CYFIP1: variants seen among roughly 807,000 people sequenced by gnomAD.
CYFIP1 encodes cytoplasmic FMR1-interacting protein 1.
Under a neutral mutation model 163.5 loss-of-function variants are expected in CYFIP1, and 58 were observed. That is an observed-to-expected ratio of 0.35 (90% CI 0.29 to 0.44). The LOEUF (loss-of-function observed/expected upper bound fraction) is 0.44, where lower values mean the gene tolerates loss of function less well. CYFIP1 is among the 20% of genes least tolerant of loss of function. The pLI is 1.00. For synonymous variants in CYFIP1, 663 were observed against 660.7 expected (o/e 1.00, Z -0.05); for missense variants, 1,338 against 1,653.8 (o/e 0.81, Z 3.31).
At chr15:22,968,379 A>C (rs184823424) in intron 1 of CYFIP1, among the ~76,000 whole-genome samples, 1 of 152,284 alleles carries the variant, frequency 6.6e-6, no homozygotes, top group Admixed American at 6.5e-5. Flanking sequence ...CAACCAGTGC[A>C]GGCCTTGAAA....
intron 1 of CYFIP1, among the ~76,000 whole-genome samples, chr15:22,976,640 T>C (rs2063293037): frequency 7.3e-6 from 1 of 136,136 alleles, no homozygotes; most frequent in African/African-American, 2.5e-5. Context: ...TTATTCAGTA[T>C]ATAATTATTC....
At chr15:22,938,294 A>C (rs1309139631) in intron 8 of CYFIP1, among the ~76,000 whole-genome samples, 25 of 152,238 alleles carry the variant, frequency 1.6e-4, no homozygotes, top group Admixed American at 1.6e-3. Flanking sequence ...TGACAAGTAG[A>C]ATCTTGGATA....
At chr15:22,935,362 G>A (rs2061679385) in intron 9 of CYFIP1, among the ~76,000 whole-genome samples, 1 of 152,326 alleles carries the variant, frequency 6.6e-6, no homozygotes, top group South Asian at 2.1e-4. Flanking sequence ...CAACTGGGAA[G>A]CCATACTGGG....
At chr15:22,943,402 C>G (rs769869914) in intron 5 of CYFIP1, 48 bp from the exon 6 acceptor site, 3 of 1,581,740 alleles carry the variant, frequency 1.9e-6, no homozygotes, top group Admixed American at 1.7e-5. Flanking sequence ...CAGTGAGGAG[C>G]CAAGCCCATG....
At chr15:22,968,148 A>C (rs2062973965) in intron 1 of CYFIP1, among the ~76,000 whole-genome samples, 1 of 152,140 alleles carries the variant, frequency 6.6e-6, no homozygotes, top group African/African-American at 2.4e-5. Context: ...AAAATAAATA[A>C]ATAAATAAAA....
At position 22,919,283 on chromosome 15, in the gene CYFIP1, G is replaced by T. The variant is rs116919839; in HGVS notation, c.1360-425C>A. On this transcript the variant is annotated intron_variant, in intron 13 of 30. Coordinates refer to ENST00000617928, the MANE Select transcript of CYFIP1 (RefSeq NM_014608.6). ...TACCATTCACAGAAAAAGCCTGGAA[G>T]ACTCTGATGGAACATAATTACATGA... 3.0e-4 allele frequency among the ~76,000 whole-genome samples: 45 copies of T among 152,334 alleles called. 1 individual carries two copies. In the East Asian group the frequency reaches 8.5e-3, roughly 29 times the overall value.
rs554451195 is a variant in CYFIP1, at chr15:22,898,400, G to A, written c.2588+5306C>T. Among the ~76,000 whole-genome samples the A allele has an allele frequency of 3.2e-4, 48 of 152,192 alleles. 2 individuals are homozygous for A. The South Asian group carries it at 9.3e-3, about 30-fold the overall frequency. ...GGCCTCCTGAGTAGCTGGGACTACA[G>A]ATGTGTGCCACCATGCTCGGCTAAT... On this transcript the variant is annotated intron_variant, in intron 22 of 30. Transcript: ENST00000617928.
chr15:22,927,793 G>A, intron 12 of CYFIP1, 113 bp downstream of exon 12: 1 of 1,060,288 alleles, frequency 9.4e-7, no homozygotes, highest in Non-Finnish European at 1.3e-6. Flanking sequence ...TCTACTGATA[G>A]ATATTCTCGT....
Position 22,872,851 on chromosome 15 carries a change from C to T in CYFIP1, c.3571G>A (p.Gly1191Ser). 5.0e-6 allele frequency: 8 copies of T among 1,614,074 alleles called. No individual in the cohort carries two copies. The highest frequency in any genetic ancestry group is 5.9e-6 in the Non-Finnish European group (7 of 1,179,978). Residue 1191 changes from glycine to serine, a missense_variant, in exon 30 of 31, where the codon GGC becomes AGC. Gly to Ser is a moderately conservative substitution (Grantham distance 56). Around this residue, in one of 4 missense-constraint regions of CYFIP1, gnomAD observed 306 missense variants for 322.1 expected, o/e 0.95. Transcript: ENST00000617928. ...YHLLKVQKHDGKDEIIKNVPL... is the reference protein window; with the variant it reads ...YHLLKVQKHDSKDEIIKNVPL... ...ACATTTTTAATAATCTCATCTTTGC[C>T]ATCATGTTTCTGGACTTTAAGTAGA...
chr15:22,882,822 A>G (rs1316710922), intron 24 of CYFIP1, 46 bp downstream of exon 24: 8 of 1,587,718 alleles, frequency 5.0e-6, no homozygotes, highest in Non-Finnish European at 6.9e-6. Flanking sequence ...TGGGTGCCCC[A>G]GGGAATCCAG....
At chr15:22,922,029 AC>A (rs528506825) in intron 13 of CYFIP1, among the ~76,000 whole-genome samples, 15 of 152,198 alleles carry the variant, frequency 9.9e-5, no homozygotes, top group African/African-American at 3.1e-4. Flanking sequence ...ATCAAGGTGG[AC>A]CCTTGTGCAG....
rs2061079593 is a variant in CYFIP1 at position 22,918,683 on chromosome 15, A to G, written c.1526+9T>C. ...GGCACAGCGGGCACAGGGCGTGGGG[A>G]AGGCTGACCTCTGGATGACGTTCTT... On this transcript the variant is annotated intron_variant, in intron 14 of 30. Coordinates refer to ENST00000617928, the MANE Select transcript of CYFIP1 (RefSeq NM_014608.6). 6.3e-7 allele frequency: 1 copy of G among 1,582,978 alleles called. No individual in the cohort carries two copies. Among genetic ancestry groups the G allele is most frequent in the South Asian group, 1.2e-5 (1 of 86,344 alleles).
chr15:22,880,160 G>T, intron 25 of CYFIP1, 117 bp from the exon 26 acceptor site: 1 of 1,395,104 alleles, frequency 7.2e-7, no homozygotes, highest in Non-Finnish European at 1.0e-6. Flanking sequence ...CTGGCTATAA[G>T]GACAGCCACA....
chr15:22,917,425 C>T lies in CYFIP1; in HGVS notation c.1674+363G>A, dbSNP rs987683957. ...AGCAGCACCTCACAGTTTCCCACGC[C>T]CCATCTACAGTCATTTGCAGACCCA... On this transcript the variant is annotated intron_variant, in intron 15 of 30. Transcript: ENST00000617928. This position sits in a 1 kb window ranked among gnomAD's most constrained non-coding sequence, Gnocchi z 4.2. The T allele has an allele frequency of 4.8e-6, 3 of 622,016 alleles. No homozygotes were observed. The highest frequency in any genetic ancestry group is 7.2e-6 in the Non-Finnish European group (3 of 418,938). 38.5% of individuals were successfully genotyped at this position (622,016 alleles called of 1,614,324 possible).
intron 22 of CYFIP1, among the ~76,000 whole-genome samples, chr15:22,896,424 C>T (rs2060238263): frequency 6.6e-6 from 1 of 151,838 alleles, no homozygotes. Flanking sequence ...TCTTTTCTGC[C>T]CCCCGACAAC....
chr15:22,885,657 T>C (rs896807547), intron 23 of CYFIP1, among the ~76,000 whole-genome samples: 2 of 152,128 alleles, frequency 1.3e-5, no homozygotes, highest in Non-Finnish European at 2.9e-5. Context: ...TATTTGAACC[T>C]GGGAGGCGGA....
rs764351472 is a variant in CYFIP1, at chr15:22,918,769, T to G, written c.1449A>C (p.Ala483=). 6.2e-7 allele frequency: 1 copy of G among 1,613,660 alleles called. No homozygotes were observed. Among genetic ancestry groups the G allele is most frequent in the East Asian group, 2.2e-5 (1 of 44,864 alleles). The stretch of plus-strand genomic sequence containing the variant: ...GGGTCACCTGGGAGAAGTCCTGCAG[T>G]GCGGCATAGACGGTGTGCCGGATGG... ...NHAIRHTVYA[A]LQDFSQVTLR... is the part of the protein sequence containing the mutation. Residue 483 remains alanine, a synonymous_variant, in exon 14 of 31, where the codon GCA becomes GCC. Transcript: ENST00000617928.
Position 22,980,124 on chromosome 15 carries a change from A to C in CYFIP1, c.-7+163T>G, listed in dbSNP as rs577345793. 2.4e-5 allele frequency among the ~76,000 whole-genome samples: 3 copies of C among 123,484 alleles called. No homozygotes were observed. In the East Asian group the frequency reaches 8.9e-4, roughly 37 times the overall value. The allele number at this position is 123,484 out of a possible 152,430, so 81.0% of individuals were successfully genotyped here. On this transcript the variant is annotated intron_variant, in intron 1 of 30. Transcript: ENST00000617928. ...GGACCTGGGGGACGCGGGGACCAGG[A>C]CGATCCCGGAGGCCGCGCCGCCGGG...
At chr15:22,930,087 G>A (rs569463756) in intron 11 of CYFIP1, among the ~76,000 whole-genome samples, 7 of 151,464 alleles carry the variant, frequency 4.6e-5, no homozygotes, top group South Asian at 2.1e-4. Flanking sequence ...GGCCGGGTGC[G>A]GTGGCTCATG....
Sources: gnomAD v4.1 joint callset for allele counts (sites outside exome capture counted in the v4.1 genomes callset) on GRCh38, gnomAD v4.1.1 for gene constraint, gnomAD v4.1.1 regional missense constraint, Gnocchi (gnomAD v3.1) non-coding constraint, MANE v1.5 for transcripts, NCBI Gene and HGNC (gene_info 2026-07-23, HGNC 2026-07-21) for gene names.